LRRFIP1: variants seen among roughly 807,000 people sequenced by gnomAD.
The protein encoded by LRRFIP1 is LRR binding FLII interacting protein 1.
In LRRFIP1, 62 loss-of-function variants were observed where a neutral mutation model predicts 104.4. The observed-to-expected ratio is 0.59, with a 90% confidence interval of 0.48 to 0.73. The LOEUF (loss-of-function observed/expected upper bound fraction) is 0.73. Ranked by LOEUF, LRRFIP1 falls within the 30% of genes least tolerant of loss-of-function variation. The pLI is 0.00. For synonymous variants in LRRFIP1, 300 were observed against 299.0 expected, an observed-to-expected ratio of 1.00 and a Z score of -0.03; for missense variants, 796 against 824.5, an observed-to-expected ratio of 0.97 and a Z score of 0.42.
chr2:237,630,626 T>A (rs2082207184), intron 1 of LRRFIP1, among the ~76,000 whole-genome samples: 2 of 152,226 alleles, frequency 1.3e-5, no homozygotes, highest in African/African-American at 4.8e-5. Context: ...AGGCTGTATG[T>A]ACCAGTCAAG....
At chr2:237,759,402 A>G (rs1174937288) in intron 18 of LRRFIP1, among the ~76,000 whole-genome samples, 2 of 152,194 alleles carry the variant, frequency 1.3e-5, no homozygotes, top group Non-Finnish European at 2.9e-5. Context: ...GGTCAAAGCC[A>G]GAGCAGTGAG....
At chr2:237,764,114 AG>A in intron 19 of LRRFIP1, 1 of 1,614,230 alleles carries the variant, frequency 6.2e-7, no homozygotes, top group South Asian at 1.1e-5. Flanking sequence ...GAAGGGCAAA[AG>A]CAAAGAAGAC....
At chr2:237,652,246 A>C (rs905758698) in intron 1 of LRRFIP1, among the ~76,000 whole-genome samples, 6 of 152,238 alleles carry the variant, frequency 3.9e-5, no homozygotes, top group African/African-American at 1.4e-4. Context: ...TAAACTACAC[A>C]GTTGGATCTG....
chr2:237,702,571 G>T (rs531290555), intron 1 of LRRFIP1, among the ~76,000 whole-genome samples: 5 of 152,332 alleles, frequency 3.3e-5, no homozygotes, highest in Admixed American at 2.0e-4. Context: ...ACACGGTGGG[G>T]GCAGCGCTGC....
chr2:237,692,982 CACCTCCGCCGAGGACT>C (rs1320369937), intron 1 of LRRFIP1, among the ~76,000 whole-genome samples: 1 of 152,222 alleles, frequency 6.6e-6, no homozygotes, highest in African/African-American at 2.4e-5. Context: ...ACCTGGGGAC[CACCTCCGCCGAGGACT>C]CCAGACGCCA....
chr2:237,709,388 C>T (rs1476233606), intron 2 of LRRFIP1, among the ~76,000 whole-genome samples: 3 of 152,172 alleles, frequency 2.0e-5, no homozygotes, highest in Non-Finnish European at 4.4e-5. Context: ...ACACTGAGCC[C>T]ACCCCCAAGA....
intron 1 of LRRFIP1, among the ~76,000 whole-genome samples, chr2:237,648,677 A>ACACATCTTCC (rs2085383235): frequency 6.6e-6 from 1 of 151,760 alleles, no homozygotes; most frequent in Non-Finnish European, 1.5e-5. Context: ...GTGATGAGTA[A>ACACATCTTCC]CAGAAACCAT....
intron 10 of LRRFIP1, among the ~76,000 whole-genome samples, chr2:237,738,764 G>A (rs2095328877): frequency 6.6e-6 from 1 of 152,234 alleles, no homozygotes; most frequent in Non-Finnish European, 1.5e-5. Context: ...ACATAATTTT[G>A]TATTAACCCT....
chr2:237,734,273 CT>C (rs71870330), intron 9 of LRRFIP1, among the ~76,000 whole-genome samples: 1,193 of 90,218 alleles, frequency 0.013, 1 homozygote, highest in Middle Eastern at 0.018. Flanking sequence ...TGTTAATAAC[CT>C]TTTTTTTTTT....
intron 1 of LRRFIP1, among the ~76,000 whole-genome samples, chr2:237,637,626 T>G (rs182056158): frequency 6.6e-6 from 1 of 152,324 alleles, no homozygotes; most frequent in Admixed American, 6.5e-5. Context: ...AGGTAAACTC[T>G]TGGATCAGCA....
chr2:237,763,046 C>A, intron 19 of LRRFIP1: 3 of 1,614,162 alleles, frequency 1.9e-6, no homozygotes, highest in Non-Finnish European at 2.5e-6. Context: ...TCCTTTAGGG[C>A]ATAGTGATGA....
At chr2:237,684,647 T>C (rs1325398903) in intron 1 of LRRFIP1, among the ~76,000 whole-genome samples, 1 of 152,206 alleles carries the variant, frequency 6.6e-6, no homozygotes, top group Non-Finnish European at 1.5e-5. Flanking sequence ...AGAGCATGTA[T>C]AGATTTTTTT....
At chr2:237,707,521 T>C (rs2093874119) in intron 1 of LRRFIP1, among the ~76,000 whole-genome samples, 1 of 151,418 alleles carries the variant, frequency 6.6e-6, no homozygotes, top group Non-Finnish European at 1.5e-5. Flanking sequence ...GAAAACTGTT[T>C]ATAGAACCAT....
intron 11 of LRRFIP1, among the ~76,000 whole-genome samples, chr2:237,742,496 C>T (rs992911128): frequency 2.2e-4 from 34 of 152,130 alleles, no homozygotes; most frequent in African/African-American, 7.2e-4. Flanking sequence ...TTGATCGTGT[C>T]GAGAATAGAA....
chr2:237,750,706 C>T (rs576799012), intron 13 of LRRFIP1, among the ~76,000 whole-genome samples: 64 of 152,230 alleles, frequency 4.2e-4, no homozygotes, highest in African/African-American at 1.2e-3. Context: ...CCTTAGGTTG[C>T]GCGTGCCGTT....
intron 1 of LRRFIP1, among the ~76,000 whole-genome samples, chr2:237,657,822 T>C (rs2087101123): frequency 6.6e-6 from 1 of 152,212 alleles, no homozygotes; most frequent in South Asian, 2.1e-4. Flanking sequence ...CCACCTGACA[T>C]TGTTCCATGG....
At chr2:237,635,015 G>A (rs1559437530) in intron 1 of LRRFIP1, among the ~76,000 whole-genome samples, 1 of 152,106 alleles carries the variant, frequency 6.6e-6, no homozygotes, top group Non-Finnish European at 1.5e-5. Context: ...CCACCATTCT[G>A]AGAATTTCTT....
At chr2:237,757,185 G>A (rs75703616) in intron 16 of LRRFIP1, among the ~76,000 whole-genome samples, 4,550 of 152,196 alleles carry the variant, frequency 0.03, 141 homozygotes, top group Admixed American at 0.079. Context: ...ACTAATACAG[G>A]GTTGGTTTTT....
intron 11 of LRRFIP1, among the ~76,000 whole-genome samples, chr2:237,740,092 TC>T (rs2095368471): frequency 1.3e-5 from 2 of 152,020 alleles, no homozygotes; most frequent in South Asian, 4.1e-4. Flanking sequence ...GCTTCCCTGT[TC>T]GTCTCCACTC....
Sources: gnomAD v4.1 joint callset for allele counts (sites outside exome capture counted in the v4.1 genomes callset) on GRCh38, gnomAD v4.1.1 for gene constraint, MANE v1.5 for transcripts, NCBI Gene and HGNC (gene_info 2026-07-23, HGNC 2026-07-21) for gene names.